PTPRN2: variants seen among roughly 807,000 people sequenced by gnomAD.
The protein encoded by PTPRN2 is protein tyrosine phosphatase receptor type N2, also known as receptor-type tyrosine-protein phosphatase N2.
PTPRN2 carries 74 observed loss-of-function variants against 118.8 expected under a neutral mutation model. The ratio of observed to expected loss-of-function variants is 0.62; its 90% CI spans 0.52 to 0.76. PTPRN2 has a LOEUF of 0.76. Among genes scored for constraint, PTPRN2 ranks in the 30% least tolerant of loss-of-function variants. The probability of loss-of-function intolerance (pLI) is 0.00; values close to 1 mark genes in which losing one functional copy is unlikely to be tolerated. For synonymous variants in PTPRN2, 641 were observed against 608.0 expected, an observed-to-expected ratio of 1.05 and a Z score of -0.80; for missense variants, 1,481 against 1,394.4, an observed-to-expected ratio of 1.06 and a Z score of -0.99.
chr7:158,146,640 G>A (rs1820060395), intron 6 of PTPRN2, among the ~76,000 whole-genome samples: 1 of 148,086 alleles, frequency 6.8e-6, no homozygotes, highest in African/African-American at 2.5e-5. Flanking sequence ...AGAATGGTGT[G>A]AACCCAGGAG....
intron 3 of PTPRN2, among the ~76,000 whole-genome samples, chr7:158,270,215 C>T (rs78866270): frequency 1.4e-3 from 217 of 152,352 alleles, no homozygotes; most frequent in East Asian, 6.4e-3. Flanking sequence ...TGGAGAGCCC[C>T]GTGGGCAGAG....
chr7:158,410,229 C>G (rs528112688), intron 2 of PTPRN2, among the ~76,000 whole-genome samples: 1 of 152,266 alleles, frequency 6.6e-6, no homozygotes, highest in East Asian at 1.9e-4. Context: ...ACACAAGGCC[C>G]GCTCCCTCTC....
At chr7:158,415,836 G>A (rs1228147893) in intron 2 of PTPRN2, among the ~76,000 whole-genome samples, 3 of 152,188 alleles carry the variant, frequency 2.0e-5, no homozygotes, top group Admixed American at 2.0e-4. Context: ...CACTAAGAAG[G>A]GACTTCAGAG....
At position 157,872,508 on chromosome 7, in the gene PTPRN2, C is replaced by T. The variant is rs144073747; in HGVS notation, c.1788+26165G>A. Among the ~76,000 whole-genome samples, 334 of 152,140 alleles carry T rather than the reference C, an allele frequency of 2.2e-3. 3 individuals are homozygous for T. Among genetic ancestry groups the T allele is most frequent in the Middle Eastern group, 3.4e-3 (1 of 294 alleles). On this transcript the variant is annotated intron_variant, in intron 12 of 22. Transcript: ENST00000389418. ...GCATATCCAGTGTCCTCCCCACACA[C>T]GCATATCCAGTGCCTCCGCACACAT...
chr7:157,706,760 G>A (rs908837285), intron 12 of PTPRN2, among the ~76,000 whole-genome samples: 2 of 151,598 alleles, frequency 1.3e-5, no homozygotes, highest in African/African-American at 2.4e-5. Flanking sequence ...CTGGATAAAC[G>A]TGGACCACAT....
chr7:158,359,024 T>C (rs1350036452), intron 2 of PTPRN2, among the ~76,000 whole-genome samples: 1 of 152,160 alleles, frequency 6.6e-6, no homozygotes, highest in Non-Finnish European at 1.5e-5. Flanking sequence ...ATCCCCACTC[T>C]AAGGAGTCTG....
chr7:158,073,521 T>A (rs558396194), intron 11 of PTPRN2, among the ~76,000 whole-genome samples: 3 of 152,212 alleles, frequency 2.0e-5, no homozygotes, highest in African/African-American at 7.2e-5. Flanking sequence ...AACACAGCCC[T>A]GATTTAAAAT....
At chr7:157,864,171 A>T (rs1810452242) in intron 12 of PTPRN2, 1 of 152,224 alleles carries the variant, frequency 6.6e-6, no homozygotes, top group Non-Finnish European at 1.5e-5. Context: ...CTTCCAAGCG[A>T]CTGTTCACAC....
At chr7:157,822,329 T>TCATCCATC (rs975005171) in intron 12 of PTPRN2, among the ~76,000 whole-genome samples, 3 of 151,156 alleles carry the variant, frequency 2.0e-5, no homozygotes, top group Non-Finnish European at 4.4e-5. Flanking sequence ...ATCCTCCCAC[T>TCATCCATC]CATCCATCCA....
At chr7:157,860,557 T>C (rs1168055232) in intron 12 of PTPRN2, among the ~76,000 whole-genome samples, 1 of 152,268 alleles carries the variant, frequency 6.6e-6, no homozygotes, top group Non-Finnish European at 1.5e-5. Flanking sequence ...AGTCCACATA[T>C]CTAATTGAGT....
chr7:158,483,496 T>C (rs1449101033), intron 2 of PTPRN2, among the ~76,000 whole-genome samples: 5 of 152,220 alleles, frequency 3.3e-5, no homozygotes, highest in Non-Finnish European at 7.3e-5. Flanking sequence ...GTCTTCCACT[T>C]TGGGGACAAC....
At chr7:158,141,814 T>C (rs1819412239) in intron 6 of PTPRN2, among the ~76,000 whole-genome samples, 1 of 152,178 alleles carries the variant, frequency 6.6e-6, no homozygotes, top group Non-Finnish European at 1.5e-5. Flanking sequence ...TGAACGTCCA[T>C]GACAGGCATT....
intron 12 of PTPRN2, among the ~76,000 whole-genome samples, chr7:157,866,837 C>T (rs1243725689): frequency 3.4e-4 from 44 of 129,746 alleles, no homozygotes; most frequent in Non-Finnish European, 6.3e-4. Context: ...ACCGCCCCCC[C>T]CCGACGCCCT....
At chr7:158,581,065 T>C (rs1828601511) in intron 1 of PTPRN2, among the ~76,000 whole-genome samples, 1 of 152,284 alleles carries the variant, frequency 6.6e-6, no homozygotes, top group South Asian at 2.1e-4. Flanking sequence ...GTTTGACAAG[T>C]GAAATGGTCC....
chr7:158,345,965 T>C (rs1340229541), intron 2 of PTPRN2, among the ~76,000 whole-genome samples: 1 of 152,176 alleles, frequency 6.6e-6, no homozygotes, highest in Non-Finnish European at 1.5e-5. Context: ...ACCACCCGCA[T>C]GATCCAGTCA....
chr7:158,351,913 T>C (rs13247249), intron 2 of PTPRN2, among the ~76,000 whole-genome samples: 1 of 27,836 alleles, frequency 3.6e-5, no homozygotes, highest in African/African-American at 1.2e-4. Flanking sequence ...TCCCCTCCTG[T>C]CCGCTCCCCT....
At chr7:157,607,016 C>T (rs1802041094) in intron 15 of PTPRN2, among the ~76,000 whole-genome samples, 2 of 152,208 alleles carry the variant, frequency 1.3e-5, no homozygotes, top group African/African-American at 2.4e-5. Context: ...CTCTATGCAG[C>T]TGAATGCCTC....
At chr7:158,089,491 C>A (rs1295632321) in intron 10 of PTPRN2, among the ~76,000 whole-genome samples, 3 of 134,402 alleles carry the variant, frequency 2.2e-5, no homozygotes, top group African/African-American at 1.0e-4. Context: ...AAACCTTCTT[C>A]CCCTGAGGAA....
intron 12 of PTPRN2, among the ~76,000 whole-genome samples, chr7:157,852,947 C>T (rs972608589): frequency 7.9e-5 from 12 of 151,756 alleles, no homozygotes; most frequent in East Asian, 3.9e-4. Flanking sequence ...CCGGAGTGGC[C>T]ATGCCACCAG....
Sources: allele counts gnomAD v4.1 joint callset (sites outside exome capture counted in the v4.1 genomes callset), GRCh38; gene constraint gnomAD v4.1.1; transcripts MANE v1.5; gene names NCBI Gene and HGNC (gene_info 2026-07-23, HGNC 2026-07-21).